The following GAK variants were observed in gnomAD, a reference collection of about 807,000 sequenced individuals.
GAK encodes the protein cyclin-G-associated kinase.
GAK carries 79 observed loss-of-function variants against 143.9 expected under a neutral mutation model. That is an observed-to-expected ratio of 0.55 (90% CI 0.46 to 0.66). The LOEUF (loss-of-function observed/expected upper bound fraction) is 0.66, where lower values mean the gene tolerates loss of function less well. GAK is among the 30% of genes least tolerant of loss of function. The probability of loss-of-function intolerance (pLI) is 0.00; values close to 1 mark genes in which losing one functional copy is unlikely to be tolerated. For synonymous variants in GAK, 881 were observed against 765.5 expected, an observed-to-expected ratio of 1.15 and a Z score of -2.49; for missense variants, 1,693 against 1,779.7, an observed-to-expected ratio of 0.95 and a Z score of 0.88.
intron 1 of GAK, among the ~76,000 whole-genome samples, chr4:927,756 C>T (rs1452564563): frequency 2.6e-5 from 4 of 151,550 alleles, no homozygotes; most frequent in Admixed American, 6.6e-5. Flanking sequence ...CACTGCCCCG[C>T]ACCCCTCCCT....
Position 881,994 on chromosome 4 carries a change from A to C in GAK, c.1574T>G (p.Phe525Cys), listed in dbSNP as rs1715218018. 5 of 1,606,910 alleles carry C rather than the reference A, an allele frequency of 3.1e-6. No individual in the cohort carries two copies. Among genetic ancestry groups the C allele is most frequent in the African/African-American group, 1.3e-5 (1 of 74,862 alleles). ...CTCCGCGGTGCTGAAGAGACGGCAG[A>C]AGCACAGGAAGGAGCAGACGGCCAC... ...SAVAVCSFLCFCRLFSTAEAA... is the reference protein window; with the variant it reads ...SAVAVCSFLCCCRLFSTAEAA... Residue 525 changes from phenylalanine (F) to cysteine (C), a missense_variant, in exon 15 of 28, where the codon TTC (phenylalanine) becomes TGC (cysteine). By Grantham distance (205) the Phe-to-Cys change is radical. Around this residue, in one of 2 missense-constraint regions of GAK, gnomAD observed 871 missense variants for 991.0 expected, o/e 0.88. Coordinates refer to ENST00000314167, the MANE Select transcript of GAK (RefSeq NM_005255.4).
chr4:877,357 C>T (rs973523510), intron 16 of GAK, 150 bp from the exon 17 acceptor site: 2 of 674,510 alleles, frequency 3.0e-6, no homozygotes, highest in Non-Finnish European at 5.1e-6. Context: ...CACAAGAATT[C>T]TAAAGTCTCC....
Position 904,623 on chromosome 4 carries a change from G to A in GAK, c.525+14C>T, listed in dbSNP as rs758712175. The A allele has an allele frequency of 5.1e-6, 8 of 1,561,360 alleles. No homozygotes were observed. The African/African-American group carries it at 9.6e-5, about 19-fold the overall frequency. ...ACAGAGGCCTTGGCAGCCGCGTGTG[G>A]AGGGAGCCACTACCTTGAGGTCCCT... On this transcript the variant is annotated intron_variant, in intron 5 of 27. Transcript: ENST00000314167.
At chr4:879,614 G>T (rs1231911359) in intron 15 of GAK, among the ~76,000 whole-genome samples, 1 of 152,126 alleles carries the variant, frequency 6.6e-6, no homozygotes, top group Non-Finnish European at 1.5e-5. Flanking sequence ...CGGTTTGCAG[G>T]AGTTCTGACC....
In GAK at chr4:867,355, C is replaced by T. The variant is rs149152501; in HGVS notation, c.2473G>A (p.Glu825Lys). 3.5e-4 allele frequency: 557 copies of T among 1,601,516 alleles called. 2 individuals are homozygous for T. In the African/African-American group the frequency reaches 6.6e-3, roughly 19 times the overall value. The change falls in exon 21 of 28, where the codon GAG becomes AAG. Residue 825 changes from glutamate (E) to lysine (K), a missense_variant. Transcript: ENST00000314167. ...CCCCCTTCATCTGACACCTCACTCTCGTCTCTGTCCTCCATCAGGGCAGAC... is the reference window on the plus strand; with the variant it reads ...CCCCCTTCATCTGACACCTCACTCTTGTCTCTGTCCTCCATCAGGGCAGAC... ...SESALMEDRD[E>K]SEVSDEGGSP...
chr4:883,238 A>T, intron 13 of GAK, 77 bp downstream of exon 13: 1 of 1,540,620 alleles, frequency 6.5e-7, no homozygotes, highest in Non-Finnish European at 8.8e-7. Flanking sequence ...CCCTGGCCAA[A>T]GCCCTCAGCT....
At chr4:883,992 G>A (rs1351039721) in intron 12 of GAK, 45 bp downstream of exon 12, 1 of 1,572,400 alleles carries the variant, frequency 6.4e-7, no homozygotes, top group Non-Finnish European at 8.7e-7. Context: ...TGGGCACACA[G>A]GGAAGGGCCG....
At chr4:903,581 G>A (rs1163995553) in intron 5 of GAK, among the ~76,000 whole-genome samples, 44 of 135,718 alleles carry the variant, frequency 3.2e-4, no homozygotes, top group Admixed American at 1.5e-3. Flanking sequence ...CAACACCACT[G>A]GGGGGCTGAG....
chr4:875,533 G>A (rs956810802), intron 18 of GAK, among the ~76,000 whole-genome samples: 3 of 152,320 alleles, frequency 2.0e-5, no homozygotes, highest in Non-Finnish European at 2.9e-5. Flanking sequence ...TTGTTTACTG[G>A]GTAGGAACCA....
intron 20 of GAK, among the ~76,000 whole-genome samples, chr4:868,070 T>C (rs1034623508): frequency 7.9e-5 from 12 of 152,270 alleles, no homozygotes; most frequent in African/African-American, 2.2e-4. Context: ...GGCAGGTGCA[T>C]CCCTTGGGGT....
intron 3 of GAK, 66 bp downstream of exon 3, chr4:912,669 C>G (rs1722251475): frequency 7.5e-7 from 1 of 1,327,882 alleles, no homozygotes; most frequent in Non-Finnish European, 1.1e-6. Context: ...CTGGCGGTCA[C>G]AGCTTGACGC....
intron 7 of GAK, 152 bp downstream of exon 7, chr4:896,308 C>G: frequency 1.6e-6 from 1 of 641,050 alleles, no homozygotes; most frequent in Non-Finnish European, 2.7e-6. Flanking sequence ...CACAGTGATT[C>G]TTAAGGAAAG....
intron 26 of GAK, 102 bp from the exon 27 acceptor site, chr4:850,170 T>A: frequency 8.3e-7 from 1 of 1,203,382 alleles, no homozygotes; most frequent in Non-Finnish European, 1.2e-6. Flanking sequence ...CCTGGTCACG[T>A]GGGGTGGGCT....
At chr4:921,751 G>A (rs1429840449) in intron 1 of GAK, among the ~76,000 whole-genome samples, 1 of 151,358 alleles carries the variant, frequency 6.6e-6, no homozygotes, top group African/African-American at 2.4e-5. Context: ...GGGGACGAAA[G>A]GACAAGCTGC....
At chr4:898,353 G>C (rs917640816) in intron 5 of GAK, among the ~76,000 whole-genome samples, 195 bp from the exon 6 acceptor site, 9 of 152,238 alleles carry the variant, frequency 5.9e-5, no homozygotes, top group Admixed American at 3.9e-4. Flanking sequence ...GGGTGCAGGG[G>C]CCGCTCCAGG....
chr4:880,023 T>C (rs1714767181), intron 15 of GAK, among the ~76,000 whole-genome samples: 1 of 151,334 alleles, frequency 6.6e-6, no homozygotes. Flanking sequence ...AGGGTCCTCT[T>C]TCCACAGCTC....
intron 15 of GAK, among the ~76,000 whole-genome samples, chr4:879,804 G>A (rs944525494): frequency 1.3e-5 from 2 of 152,160 alleles, no homozygotes; most frequent in Non-Finnish European, 2.9e-5. Context: ...GTGTGCCCCT[G>A]CCTGAGGTGG....
rs765750798 is a variant in GAK, at chr4:883,418, T to C, written c.1301A>G (p.Asn434Ser). The C allele has an allele frequency of 1.2e-6, 2 of 1,613,774 alleles. No homozygotes were observed. Among genetic ancestry groups the C allele is most frequent in the South Asian group, 1.1e-5 (1 of 91,090 alleles). ...CAGGAACAACCGCACATCTTCGATG[T>C]TGTTTTTGAGCGCTGACTCCACACC... ...AEGVESALKN[N>S]IEDVRLFLDS... The change falls in exon 13 of 28, where the codon AAC (asparagine) becomes AGC (serine). Residue 434 changes from asparagine (N) to serine (S), a missense_variant. Asn to Ser is a conservative substitution (Grantham distance 46). This residue lies in a region of GAK where 871 missense variants were observed against 991.0 expected (regional missense o/e 0.88). Transcript: ENST00000314167.
At chr4:878,880 C>T (rs1048647819) in intron 15 of GAK, among the ~76,000 whole-genome samples, 1 of 152,196 alleles carries the variant, frequency 6.6e-6, no homozygotes, top group African/African-American at 2.4e-5. Context: ...AGGCAGGTGA[C>T]ACCACTTCTA....
Sources: gnomAD v4.1 joint callset for allele counts (sites outside exome capture counted in the v4.1 genomes callset) on GRCh38, gnomAD v4.1.1 for gene constraint, gnomAD v4.1.1 regional missense constraint, MANE v1.5 for transcripts, NCBI Gene and HGNC (gene_info 2026-07-23, HGNC 2026-07-21) for gene names.